NOL4: variants seen among roughly 807,000 people sequenced by gnomAD.
NOL4 encodes nucleolar protein 4, also known as cancer/testis antigen 125.
A neutral mutation model predicts 75.9 loss-of-function variants in NOL4; 17 were observed. The observed-to-expected ratio is 0.22, with a 90% CI of 0.15 to 0.34. The LOEUF is 0.34. Among genes scored for constraint, NOL4 ranks in the 10% least tolerant of loss-of-function variants. NOL4 has a pLI of 1.00. For missense variants in NOL4, 614 were observed against 793.5 expected, an observed-to-expected ratio of 0.77 and a Z score of 2.72; for synonymous variants, 292 against 289.9, an observed-to-expected ratio of 1.01 and a Z score of -0.07.
chr18:34,045,292 C>A (rs1407257472), intron 5 of NOL4, among the ~76,000 whole-genome samples: 1 of 152,042 alleles, frequency 6.6e-6, no homozygotes, highest in Non-Finnish European at 1.5e-5. Context: ...GATTTCTTTC[C>A]CATTTATTTT....
Position 33,958,275 on chromosome 18 carries a change from T to G in NOL4, c.1200A>C (p.Thr400=). 6.2e-7 allele frequency: 1 copy of G among 1,613,808 alleles called. No homozygotes were observed. Among genetic ancestry groups the G allele is most frequent in the South Asian group, 1.1e-5 (1 of 91,056 alleles). ...TCAGCCGCTCGGCTTCAACGCCGTC[T>G]GTCTCATTAACTTTCTCCGAATCGT... ...DHDDSEKVNE[T]DGVEAERLKA... The change falls in exon 7 of 11, where the codon ACA becomes ACC. Residue 400 remains threonine, a synonymous_variant. Transcript: ENST00000261592.
chr18:33,871,174 A>C (rs923839804), intron 10 of NOL4, among the ~76,000 whole-genome samples: 1 of 152,116 alleles, frequency 6.6e-6, no homozygotes, highest in African/African-American at 2.4e-5. Context: ...AGATGTTAGC[A>C]TAATAATTGT....
intron 1 of NOL4, among the ~76,000 whole-genome samples, chr18:34,161,310 C>A (rs2031441081): frequency 1.3e-5 from 2 of 152,136 alleles, no homozygotes; most frequent in Admixed American, 1.3e-4. Context: ...TTCTGATTTT[C>A]TTTCCTTTGA....
intron 1 of NOL4, among the ~76,000 whole-genome samples, chr18:34,216,646 A>G (rs1161807219): frequency 9.4e-6 from 1 of 106,234 alleles, no homozygotes; most frequent in Non-Finnish European, 2.1e-5. Context: ...TATAATAAGT[A>G]TAATATAATA....
Position 33,852,643 on chromosome 18 carries a change from T to C in NOL4, c.*199A>G. The C allele has an allele frequency of 1.9e-6, 1 of 519,078 alleles. No individual in the cohort carries two copies. The allele number at this position is 519,078 out of a possible 1,614,324, so 32.2% of individuals were successfully genotyped here. On this transcript the variant is annotated 3_prime_UTR_variant, in exon 11 of 11. Transcript: ENST00000261592. ...AAGCAATAGGCTGGACATACTAAAG[T>C]AGCTCAAGTACTTCAGAGGTCAGAG...
intron 5 of NOL4, among the ~76,000 whole-genome samples, chr18:34,090,443 G>T (rs2078457175): frequency 6.6e-6 from 1 of 152,162 alleles, no homozygotes. Flanking sequence ...GGTAAGGGGA[G>T]ATAGTCCTGA....
At chr18:33,970,177 T>TTAAA (rs2070939373) in intron 6 of NOL4, among the ~76,000 whole-genome samples, 1 of 152,176 alleles carries the variant, frequency 6.6e-6, no homozygotes, top group African/African-American at 2.4e-5. Flanking sequence ...AGTATAGCCA[T>TTAAA]TATGAGCTCC....
At chr18:33,895,223 T>C (rs558635618) in intron 9 of NOL4, among the ~76,000 whole-genome samples, 34 of 152,068 alleles carry the variant, frequency 2.2e-4, no homozygotes, top group Non-Finnish European at 3.8e-4. Context: ...GTGATAATCC[T>C]CAACTAATTT....
intron 9 of NOL4, among the ~76,000 whole-genome samples, chr18:33,901,825 G>GA: frequency 6.6e-6 from 1 of 151,952 alleles, no homozygotes; most frequent in East Asian, 1.9e-4. Context: ...TTACTATTGA[G>GA]AAAAAATAAA....
At chr18:34,194,450 A>AGGAAGGAAGGAG (rs2035167129) in intron 1 of NOL4, among the ~76,000 whole-genome samples, 1 of 147,118 alleles carries the variant, frequency 6.8e-6, no homozygotes, top group Non-Finnish European at 1.5e-5. Flanking sequence ...GAAGGAAGGA[A>AGGAAGGAAGGAG]GGAAGGAAGG....
chr18:33,950,562 T>C (rs2069146359), intron 8 of NOL4, among the ~76,000 whole-genome samples: 2 of 152,092 alleles, frequency 1.3e-5, no homozygotes, highest in Admixed American at 1.3e-4. Flanking sequence ...TAAGACATTG[T>C]GGGTGATACA....
intron 9 of NOL4, among the ~76,000 whole-genome samples, chr18:33,910,119 G>A (rs2066305861): frequency 6.6e-6 from 1 of 152,166 alleles, no homozygotes; most frequent in Non-Finnish European, 1.5e-5. Context: ...ATGCTCTTGA[G>A]GATTTTGTTT....
At chr18:34,108,653 T>C (rs2079433993) in intron 2 of NOL4, among the ~76,000 whole-genome samples, 1 of 152,176 alleles carries the variant, frequency 6.6e-6, no homozygotes, top group Admixed American at 6.5e-5. Context: ...ATAACAATGG[T>C]AAATATATAT....
chr18:34,000,554 C>T (rs892522627), intron 6 of NOL4, among the ~76,000 whole-genome samples: 1 of 152,094 alleles, frequency 6.6e-6, no homozygotes, highest in African/African-American at 2.4e-5. Context: ...CGGAACATAT[C>T]AGTCAGTTTC....
intron 10 of NOL4, among the ~76,000 whole-genome samples, chr18:33,855,628 G>C (rs369018982): frequency 1.3e-5 from 2 of 152,028 alleles, no homozygotes; most frequent in African/African-American, 4.8e-5. Context: ...AAAGTGATGC[G>C]AACCTGCTTT....
intron 5 of NOL4, among the ~76,000 whole-genome samples, chr18:34,067,711 G>A (rs1286194488): frequency 2.0e-5 from 3 of 152,184 alleles, no homozygotes; most frequent in Non-Finnish European, 2.9e-5. Context: ...TGGGAGGATG[G>A]AGTTGCCTTT....
chr18:33,993,541 A>C (rs567128931), intron 6 of NOL4, among the ~76,000 whole-genome samples: 1 of 152,030 alleles, frequency 6.6e-6, no homozygotes, highest in South Asian at 2.1e-4. Context: ...GTTTCCCACA[A>C]CAACAACAAC....
intron 6 of NOL4, among the ~76,000 whole-genome samples, chr18:34,009,159 T>C (rs1292029845): frequency 1.3e-5 from 2 of 151,702 alleles, no homozygotes; most frequent in African/African-American, 4.8e-5. Context: ...TCAGGAAAGA[T>C]ATTAAGGAGC....
Position 34,218,264 on chromosome 18 carries a change from A to G in NOL4, c.264+4726T>C, listed in dbSNP as rs951776897. Reference sequence around the variant, plus strand: ...TTCCTCCGTCTTATGCAGTGAGTCTAGAGAGTAAACCCGTAGGGAGCAGGA... The same window carrying G: ...TTCCTCCGTCTTATGCAGTGAGTCTGGAGAGTAAACCCGTAGGGAGCAGGA... On this transcript the variant is annotated intron_variant, in intron 1 of 10. Transcript: ENST00000261592. 8.5e-5 allele frequency among the ~76,000 whole-genome samples: 13 copies of G among 152,318 alleles called. No homozygotes were observed. The South Asian group carries it at 1.2e-3, about 15-fold the overall frequency.
Sources: gnomAD v4.1 joint callset for allele counts (sites outside exome capture counted in the v4.1 genomes callset) on GRCh38, gnomAD v4.1.1 for gene constraint, MANE v1.5 for transcripts, NCBI Gene and HGNC (gene_info 2026-07-23, HGNC 2026-07-21) for gene names.